Variants in MCC observed in about 807,000 individuals in gnomAD.
MCC encodes MCC regulator of Wnt signaling pathway, also known as colorectal mutant cancer protein.
Under a neutral mutation model 116.2 loss-of-function variants are expected in MCC, and 90 were observed. That is an observed-to-expected ratio of 0.77 (90% confidence interval 0.65 to 0.92). MCC has a LOEUF of 0.92. MCC is among the 40% of genes least tolerant of loss of function. The pLI, the probability that MCC is intolerant of heterozygous loss-of-function variation, is 0.00. For missense variants in MCC, 1,516 were observed against 1,312.2 expected (o/e 1.16, Z -2.40); for synonymous variants, 578 against 510.5 (o/e 1.13, Z -1.78).
chr5:113,344,973 G>A (rs373002782), intron 2 of MCC, among the ~76,000 whole-genome samples: 1 of 152,142 alleles, frequency 6.6e-6, no homozygotes, highest in African/African-American at 2.4e-5. Flanking sequence ...GTGGGGTAGA[G>A]CAACAAGCAG....
At chr5:113,084,527 G>A (rs182173539) in intron 9 of MCC, among the ~76,000 whole-genome samples, 11 of 152,222 alleles carry the variant, frequency 7.2e-5, no homozygotes, top group African/African-American at 2.7e-4. Context: ...ATGTCCCCTG[G>A]AGGATGAAAT....
intron 1 of MCC, among the ~76,000 whole-genome samples, chr5:113,461,148 C>A (rs1771731006): frequency 6.6e-6 from 1 of 152,124 alleles, no homozygotes; most frequent in South Asian, 2.1e-4. Flanking sequence ...GCAGTCTCAG[C>A]TACGCAAGAG....
intron 5 of MCC, among the ~76,000 whole-genome samples, chr5:113,134,349 T>C (rs1758658918): frequency 6.6e-6 from 1 of 152,170 alleles, no homozygotes; most frequent in African/African-American, 2.4e-5. Context: ...TTGTATGTTC[T>C]TGGTACCTCT....
At chr5:113,391,246 C>T (rs1429570825) in intron 1 of MCC, among the ~76,000 whole-genome samples, 1 of 152,052 alleles carries the variant, frequency 6.6e-6, no homozygotes, top group Non-Finnish European at 1.5e-5. Context: ...ATGATACAGG[C>T]GCTAGAAATC....
intron 3 of MCC, among the ~76,000 whole-genome samples, chr5:113,220,438 C>G (rs1292443017): frequency 6.6e-6 from 1 of 152,068 alleles, no homozygotes; most frequent in African/African-American, 2.4e-5. Context: ...TATATCATAG[C>G]AACATTGAGT....
rs746064641 is a variant in MCC, at chr5:113,053,940, T to C, written c.2233A>G (p.Ser745Gly). The C allele has an allele frequency of 3.9e-5, 63 of 1,612,850 alleles. 1 individual carries two copies. Among genetic ancestry groups the C allele is most frequent in the East Asian group, 2.2e-5 (1 of 44,848 alleles). Residue 745 changes from serine to glycine, a missense_variant, in exon 15 of 19, where the codon AGT becomes GGT. Physicochemically the swap from Ser to Gly is moderately conservative, Grantham distance 56. Coordinates refer to ENST00000408903, the MANE Select transcript of MCC (RefSeq NM_001085377.2). ...TTAGTGAACTCGGTGTCGCAACTAC[T>C]GGCTGTGGAGCTGGTTGTGCTGAGA... ...SHTSTTSSTASSCDTEFTKED... is the reference protein window; with the variant it reads ...SHTSTTSSTAGSCDTEFTKED...
At position 113,049,085 on chromosome 5, in the gene MCC, G is replaced by T; in HGVS notation, c.2655+8C>A. ...CCTAAGGGTGTCCCCAAGCCACTCCGGCCCTACCTTGCCAGGTTTGTCTTT... is the reference window on the plus strand; with the variant it reads ...CCTAAGGGTGTCCCCAAGCCACTCCTGCCCTACCTTGCCAGGTTTGTCTTT... On this transcript the variant is annotated splice_region_variant and intron_variant, in intron 16 of 18. Transcript: ENST00000408903. 6.2e-7 allele frequency: 1 copy of T among 1,614,030 alleles called. No homozygotes were observed.
At chr5:113,260,667 C>A (rs757935783) in intron 3 of MCC, among the ~76,000 whole-genome samples, 15 of 151,714 alleles carry the variant, frequency 9.9e-5, no homozygotes, top group Non-Finnish European at 2.1e-4. Flanking sequence ...TTGAAAGGGT[C>A]TTTTACCCAT....
chr5:113,406,833 G>A (rs1330495957), intron 1 of MCC, among the ~76,000 whole-genome samples: 6 of 152,170 alleles, frequency 3.9e-5, no homozygotes, highest in Admixed American at 3.3e-4. Context: ...GAGAACCTCA[G>A]TGAGGTTTGC....
At chr5:113,460,845 C>T (rs145158231) in intron 1 of MCC, among the ~76,000 whole-genome samples, 1 of 152,214 alleles carries the variant, frequency 6.6e-6, no homozygotes, top group South Asian at 2.1e-4. Context: ...AAGCCCACAA[C>T]AGAACTGCAG....
intron 3 of MCC, among the ~76,000 whole-genome samples, chr5:113,336,144 T>G (rs557831872): frequency 6.6e-6 from 1 of 151,368 alleles, no homozygotes; most frequent in Non-Finnish European, 1.5e-5. Context: ...CCTGTCCTTT[T>G]AAAATGGCAC....
chr5:113,313,658 A>G (rs998374523), intron 3 of MCC, among the ~76,000 whole-genome samples: 3 of 152,138 alleles, frequency 2.0e-5, no homozygotes, highest in Non-Finnish European at 4.4e-5. Context: ...TTTACTAGGG[A>G]TGTTCTTTAT....
intron 3 of MCC, among the ~76,000 whole-genome samples, chr5:113,272,977 A>C (rs933482969): frequency 9.2e-5 from 14 of 152,226 alleles, no homozygotes; most frequent in African/African-American, 3.4e-4. Context: ...GCCAGCAACC[A>C]GAGATTGTAG....
intron 3 of MCC, among the ~76,000 whole-genome samples, chr5:113,249,461 T>C (rs1284786896): frequency 6.6e-6 from 1 of 152,230 alleles, no homozygotes; most frequent in Non-Finnish European, 1.5e-5. Context: ...CCTTCACAGC[T>C]TTCTGTGGAG....
chr5:113,028,450 A>C (rs1750731144), intron 18 of MCC, among the ~76,000 whole-genome samples: 1 of 152,236 alleles, frequency 6.6e-6, no homozygotes, highest in South Asian at 2.1e-4. Context: ...TAACATGAGA[A>C]GTATCAATAA....
chr5:113,392,851 T>G (rs1769433518), intron 1 of MCC, among the ~76,000 whole-genome samples: 2 of 152,246 alleles, frequency 1.3e-5, no homozygotes, highest in South Asian at 4.1e-4. Flanking sequence ...TCCAGATGCC[T>G]ATCAACAGAA....
intron 3 of MCC, among the ~76,000 whole-genome samples, chr5:113,210,071 T>C (rs889410062): frequency 7.2e-5 from 11 of 152,210 alleles, no homozygotes; most frequent in African/African-American, 2.7e-4. Flanking sequence ...CATAATGTGA[T>C]ATACCCTATG....
chr5:113,346,744 T>C (rs1185159188), intron 2 of MCC, among the ~76,000 whole-genome samples: 2 of 151,992 alleles, frequency 1.3e-5, no homozygotes, highest in East Asian at 3.9e-4. Context: ...CCAAGCAGAT[T>C]TAACCCAAAG....
Position 113,046,685 on chromosome 5 carries a change from C to CAAAAAAAAAAAAAAAAAAAAAAAAAA in MCC, c.2655+2382_2655+2407dup, listed in dbSNP as rs151183145. On this transcript the variant is annotated intron_variant, in intron 16 of 18. Transcript: ENST00000408903. ...ACTGACTGCTAACAAACTCAAAAGG[C>CAAAAAAAAAAAAAAAAAAAAAAAAAA]AAAAAAAAAAAAAAAAAAAAAAAAA... is the stretch of plus-strand genomic sequence containing the variant. 4.8e-4 allele frequency among the ~76,000 whole-genome samples: 28 copies of CAAAAAAAAAAAAAAAAAAAAAAAAAA among 58,390 alleles called. 2 individuals are homozygous for CAAAAAAAAAAAAAAAAAAAAAAAAAA. Among genetic ancestry groups the CAAAAAAAAAAAAAAAAAAAAAAAAAA allele is most frequent in the Admixed American group, 9.9e-4 (5 of 5,026 alleles). The allele number at this position is 58,390 out of a possible 152,430, so 38.3% of individuals were successfully genotyped here.
Sources: gnomAD v4.1 joint callset for allele counts (sites outside exome capture counted in the v4.1 genomes callset) on GRCh38, gnomAD v4.1.1 for gene constraint, MANE v1.5 for transcripts, NCBI Gene and HGNC (gene_info 2026-07-23, HGNC 2026-07-21) for gene names.